The following RBFOX1 variants were observed in gnomAD, a reference collection of about 807,000 sequenced individuals.
RBFOX1 encodes RNA binding fox-1 homolog 1.
Under a neutral mutation model 57.7 loss-of-function variants are expected in RBFOX1, and 8 were observed. The observed-to-expected ratio is 0.14, with a 90% confidence interval of 0.08 to 0.25. The LOEUF is 0.25. Among genes scored for constraint, RBFOX1 ranks in the 10% least tolerant of loss-of-function variants. The pLI, the probability that RBFOX1 is intolerant of heterozygous loss-of-function variation, is 1.00. For synonymous variants in RBFOX1, 326 were observed against 222.4 expected, an observed-to-expected ratio of 1.47 and a Z score of -4.15; for missense variants, 611 against 548.5, an observed-to-expected ratio of 1.11 and a Z score of -1.14.
At chr16:6,930,526 C>T (rs2076331950) in intron 3 of RBFOX1, among the ~76,000 whole-genome samples, 1 of 152,114 alleles carries the variant, frequency 6.6e-6, no homozygotes, top group South Asian at 2.1e-4. Context: ...TCTCCTGCCT[C>T]AGCCTCCCAA....
chr16:7,473,085 A>G (rs1259059685), intron 4 of RBFOX1, among the ~76,000 whole-genome samples: 1 of 152,196 alleles, frequency 6.6e-6, no homozygotes, highest in Non-Finnish European at 1.5e-5. Context: ...GCATTAGATT[A>G]AAAGGATCTC....
At chr16:7,367,173 T>C (rs1239282759) in intron 4 of RBFOX1, among the ~76,000 whole-genome samples, 2 of 152,094 alleles carry the variant, frequency 1.3e-5, no homozygotes, top group Non-Finnish European at 2.9e-5. Flanking sequence ...GTGTTGGCAA[T>C]GACACTCTGG....
chr16:6,853,636 C>G (rs1486618143), intron 3 of RBFOX1, among the ~76,000 whole-genome samples: 1 of 152,094 alleles, frequency 6.6e-6, no homozygotes, highest in African/African-American at 2.4e-5. Context: ...ATTTGCATGG[C>G]CCATAGTAAA....
chr16:7,071,636 C>G (rs1598697500), intron 4 of RBFOX1, among the ~76,000 whole-genome samples: 1 of 150,610 alleles, frequency 6.6e-6, no homozygotes, highest in African/African-American at 2.5e-5. Context: ...TATACATAAC[C>G]TGGGTAATTT....
intron 4 of RBFOX1, among the ~76,000 whole-genome samples, chr16:5,973,545 T>A (rs1315915213): frequency 6.6e-6 from 1 of 152,198 alleles, no homozygotes; most frequent in African/African-American, 2.4e-5. Context: ...AGTCTCGATT[T>A]ATTACTTTTG....
chr16:5,281,674 A>G (rs1309662149), intron 1 of RBFOX1, among the ~76,000 whole-genome samples: 2 of 152,234 alleles, frequency 1.3e-5, no homozygotes, highest in Non-Finnish European at 2.9e-5. Context: ...TTATTACCAC[A>G]TAATGACCTT....
At chr16:6,138,531 G>A (rs577557583) in intron 1 of RBFOX1, among the ~76,000 whole-genome samples, 16 of 152,094 alleles carry the variant, frequency 1.1e-4, no homozygotes, top group Non-Finnish European at 1.9e-4. Context: ...GAGAGAGAAC[G>A]ACCAGGGCAA....
chr16:6,074,009 T>C (rs1811318), intron 1 of RBFOX1, among the ~76,000 whole-genome samples: 123,067 of 151,824 alleles, frequency 0.81, 50,265 homozygotes, highest in Admixed American at 0.86. Context: ...AGTGCAGGGG[T>C]GCAATCTCAG....
chr16:7,296,985 G>A (rs1042478541), intron 4 of RBFOX1, among the ~76,000 whole-genome samples: 2 of 152,184 alleles, frequency 1.3e-5, no homozygotes, highest in African/African-American at 4.8e-5. Context: ...GCTTACAGCA[G>A]AACCTCATGT....
At chr16:6,272,482 G>A (rs1368247120) in intron 1 of RBFOX1, among the ~76,000 whole-genome samples, 1 of 152,140 alleles carries the variant, frequency 6.6e-6, no homozygotes, top group Non-Finnish European at 1.5e-5. Flanking sequence ...TGGATTGGAA[G>A]GCTCATCATA....
intron 1 of RBFOX1, among the ~76,000 whole-genome samples, chr16:5,248,814 G>A (rs1010265781): frequency 9.2e-5 from 14 of 152,010 alleles, no homozygotes; most frequent in African/African-American, 2.4e-4. Flanking sequence ...CATGTTGAAA[G>A]CCTGTCTCTA....
At chr16:5,503,870 C>T (rs749308302) in intron 2 of RBFOX1, among the ~76,000 whole-genome samples, 20 of 152,214 alleles carry the variant, frequency 1.3e-4, no homozygotes, top group Admixed American at 2.0e-4. Context: ...GTCTGGTCCT[C>T]CCAGCCCCTG....
chr16:6,987,598 A>G (rs892703737), intron 3 of RBFOX1, among the ~76,000 whole-genome samples: 10 of 152,054 alleles, frequency 6.6e-5, no homozygotes, highest in East Asian at 3.9e-4. Flanking sequence ...CTTACCTGCA[A>G]TCTCATTCAT....
chr16:5,592,363 G>T (rs1046050610), intron 2 of RBFOX1, among the ~76,000 whole-genome samples: 1 of 151,404 alleles, frequency 6.6e-6, no homozygotes, highest in Non-Finnish European at 1.5e-5. Flanking sequence ...TGAGGCTTTT[G>T]GTTTGGGGGT....
At chr16:6,278,067 A>T (rs1031555595) in intron 1 of RBFOX1, among the ~76,000 whole-genome samples, 7 of 152,144 alleles carry the variant, frequency 4.6e-5, no homozygotes, top group South Asian at 2.1e-4. Flanking sequence ...CATTGGACAT[A>T]GGCCATTAGT....
At chr16:6,715,885 A>C (rs775716963) in intron 3 of RBFOX1, among the ~76,000 whole-genome samples, 1 of 152,210 alleles carries the variant, frequency 6.6e-6, no homozygotes, top group African/African-American at 2.4e-5. Context: ...TTTGGGGTCA[A>C]GGCTCAGCCT....
rs74005128 is a variant in RBFOX1 at position 6,574,298 on chromosome 16, T to C, written c.-63-80305T>C. On this transcript the variant is annotated intron_variant, in intron 2 of 15. Transcript: ENST00000550418. Reference sequence around the variant, plus strand: ...TCAGCTGTTGCTTTCATGCCGGCTCTGCCTAGGTCTCCCCATGGCAACAGG... The same window carrying C: ...TCAGCTGTTGCTTTCATGCCGGCTCCGCCTAGGTCTCCCCATGGCAACAGG... Among the ~76,000 whole-genome samples the C allele has an allele frequency of 4.8e-3, 730 of 152,214 alleles. 7 individuals are homozygous for C. The highest frequency in any genetic ancestry group is 0.017 in the African/African-American group (690 of 41,554).
intron 3 of RBFOX1, among the ~76,000 whole-genome samples, chr16:6,884,913 A>G (rs1449574529): frequency 1.3e-5 from 2 of 152,134 alleles, no homozygotes; most frequent in Non-Finnish European, 2.9e-5. Flanking sequence ...AACAAACAAA[A>G]CAAAAAAACC....
At position 5,420,861 on chromosome 16, in the gene RBFOX1, T is replaced by A. The variant is rs1301163022; in HGVS notation, c.220-46355T>A. ...ATCGTCTACCACCACCTCCTCTTCC[T>A]CCTCCTCCTCTCCCTCCCTCCCCCT... On this transcript the variant is annotated intron_variant, in intron 1 of 2. Coordinates refer to the RBFOX1 transcript ENST00000585867. Among the ~76,000 whole-genome samples, 4 of 118,864 alleles carry A rather than the reference T, an allele frequency of 3.4e-5. No individual in the cohort carries two copies. The Admixed American group carries it at 3.5e-4, about 10-fold the overall frequency. 78.0% of individuals were successfully genotyped at this position (118,864 alleles called of 152,430 possible). A position where few individuals can be genotyped will look rare whatever the true frequency, so the allele number is the denominator to read the frequency against.
Sources: allele counts gnomAD v4.1 joint callset (sites outside exome capture counted in the v4.1 genomes callset), GRCh38; gene constraint gnomAD v4.1.1; transcripts MANE v1.5; gene names NCBI Gene and HGNC (gene_info 2026-07-23, HGNC 2026-07-21).